The following F8 variants were observed in gnomAD, a reference collection of about 807,000 sequenced individuals.
F8 encodes antihemophilic factor.
A neutral mutation model predicts 140.6 loss-of-function variants in F8; 12 were observed. The ratio of observed to expected loss-of-function variants is 0.09; its 90% CI spans 0.05 to 0.14. The LOEUF is 0.14. F8 is among the 10% of genes least tolerant of loss of function. F8 has a pLI of 1.00. For synonymous variants in F8, 585 were observed against 614.6 expected, an observed-to-expected ratio of 0.95 and a Z score of 0.71; for missense variants, 1,354 against 1,720.7, an observed-to-expected ratio of 0.79 and a Z score of 3.77.
chrX:154,865,590 GAGTAA>G (rs201511765), intron 22 of F8, among the ~76,000 whole-genome samples: 1,294 of 110,003 alleles, frequency 0.012, 22 homozygotes, highest in African/African-American at 0.04. Flanking sequence ...CGGGGGGAAT[GAGTAA>G]AGTATAGAGT....
intron 1 of F8, among the ~76,000 whole-genome samples, chrX:155,019,653 G>C (rs1242312845): frequency 9.1e-6 from 1 of 110,376 alleles, no homozygotes; most frequent in Non-Finnish European, 1.9e-5. Context: ...AATTTTCCGG[G>C]CATGGTGGCC....
Position 154,904,104 on chromosome X carries a change from G to A in F8, c.5816-16C>T, listed in dbSNP as rs782389530. The stretch of plus-strand genomic sequence containing the variant: ...CCATTGATTGCTGGAGAAGGACACA[G>A]AGAAGCCTGTTAAAATCTATTATAT... On this transcript the variant is annotated splice_polypyrimidine_tract_variant and intron_variant, in intron 17 of 25. Transcript: ENST00000360256. 1.7e-6 allele frequency: 2 copies of A among 1,208,581 alleles called. No homozygotes were observed. The highest frequency in any genetic ancestry group is 2.2e-6 in the Non-Finnish European group (2 of 892,949).
At chrX:155,019,669 C>T (rs1486802516) in intron 1 of F8, among the ~76,000 whole-genome samples, 2 of 110,550 alleles carry the variant, frequency 1.8e-5, no homozygotes, top group African/African-American at 6.6e-5. Flanking sequence ...TGGCCTGCTC[C>T]TGTAGTCCCA....
chrX:154,936,021 CACAA>C (rs1293815876), intron 13 of F8, among the ~76,000 whole-genome samples: 2 of 106,649 alleles, frequency 1.9e-5, no homozygotes, highest in African/African-American at 3.4e-5. Context: ...CACACACACA[CACAA>C]AAATCAAAGT....
chrX:154,961,025 T>C (rs1557281549), intron 10 of F8, 50 bp downstream of exon 10: 1 of 821,470 alleles, frequency 1.2e-6, no homozygotes, highest in South Asian at 2.1e-5. Context: ...GATATTTATC[T>C]CATCTGTATC....
chrX:154,982,377 G>T (rs1424786562), intron 6 of F8, among the ~76,000 whole-genome samples: 2 of 101,925 alleles, frequency 2.0e-5, no homozygotes, highest in Non-Finnish European at 4.0e-5. Context: ...AACCCCGGGG[G>T]GCAGAGCCTG....
At chrX:154,900,590 A>C (rs1170644340) in intron 20 of F8, among the ~76,000 whole-genome samples, 1 of 112,348 alleles carries the variant, frequency 8.9e-6, no homozygotes, top group African/African-American at 3.2e-5. Context: ...AGTAAAAATT[A>C]GTAAAAATAC....
chrX:155,022,382 G>A (rs782739933), intron 1 of F8, 28 bp downstream of exon 1: 6 of 1,200,312 alleles, frequency 5.0e-6, no homozygotes, highest in Admixed American at 2.2e-5. Context: ...TCCTGGCCCC[G>A]ATCAGACCCT....
intron 1 of F8, among the ~76,000 whole-genome samples, chrX:155,014,694 T>G (rs2073725905): frequency 1.8e-5 from 2 of 112,207 alleles, no homozygotes; most frequent in Admixed American, 1.9e-4. Context: ...ATCGAATCCC[T>G]CAAAATACTT....
In F8 at chrX:155,022,709, T is replaced by C. The variant is rs1057515826; in HGVS notation, c.-157A>G. The C allele has an allele frequency of 1.3e-5, 15 of 1,115,888 alleles. No individual in the cohort carries two copies. The Admixed American group carries it at 3.7e-4, about 28-fold the overall frequency. 92.0% of individuals were successfully genotyped at this position (1,115,888 alleles called of 1,213,427 possible). A position where few individuals can be genotyped will look rare whatever the true frequency, so the allele number is the denominator to read the frequency against. On this transcript the variant is annotated 5_prime_UTR_variant, in exon 1 of 26. Transcript: ENST00000360256. Reference sequence around the variant, plus strand: ...TTTAAGGAACTTTACCCACTGGATGTGCTCAGCACTAAGCAGTAACCGATA... The same window carrying C: ...TTTAAGGAACTTTACCCACTGGATGCGCTCAGCACTAAGCAGTAACCGATA...
chrX:154,971,877 T>C (rs1478032151), intron 6 of F8, among the ~76,000 whole-genome samples: 1 of 112,553 alleles, frequency 8.9e-6, no homozygotes, highest in Non-Finnish European at 1.9e-5. Context: ...AATGGATGAA[T>C]AGTATTCCAT....
At chrX:154,984,934 C>A in intron 5 of F8, 131 bp from the exon 6 acceptor site, 1 of 548,461 alleles carries the variant, frequency 1.8e-6, no homozygotes. Flanking sequence ...AGGCACACAG[C>A]ACTTATCCTC....
Position 155,005,828 on chromosome X carries a change from C to T in F8, c.144-6228G>A, listed in dbSNP as rs1341353075. Among the ~76,000 whole-genome samples the T allele has an allele frequency of 8.1e-5, 9 of 111,800 alleles. No individual in the cohort carries two copies. In the Admixed American group the frequency reaches 8.5e-4, roughly 11 times the overall value. On this transcript the variant is annotated intron_variant, in intron 1 of 25. Coordinates refer to ENST00000360256, the MANE Select transcript of F8 (RefSeq NM_000132.4). The stretch of plus-strand genomic sequence containing the variant: ...TGCCTTATTCCTGGTAAAGGTGGGA[C>T]TATATAGGTCCAGACAACTTGCCTC...
intron 13 of F8, 82 bp downstream of exon 13, chrX:154,947,616 T>C: frequency 1.4e-6 from 1 of 717,952 alleles, no homozygotes; most frequent in South Asian, 2.1e-5. Flanking sequence ...AATGACAGCA[T>C]GTGAGCTAGT....
intron 1 of F8, among the ~76,000 whole-genome samples, chrX:155,017,084 G>C (rs948483547): frequency 8.9e-6 from 1 of 112,326 alleles, no homozygotes; most frequent in Non-Finnish European, 1.9e-5. Flanking sequence ...AAAAGAGAGA[G>C]GCAAAAAAGG....
At chrX:154,985,927 G>T (rs962739052) in intron 5 of F8, among the ~76,000 whole-genome samples, 3 of 112,324 alleles carry the variant, frequency 2.7e-5, no homozygotes, top group Non-Finnish European at 5.6e-5. Flanking sequence ...TGAGATCAAA[G>T]AAGATAAATA....
chrX:154,942,625 C>T (rs1432283629), intron 13 of F8, among the ~76,000 whole-genome samples: 1 of 111,534 alleles, frequency 9.0e-6, no homozygotes, highest in Non-Finnish European at 1.9e-5. Context: ...TGAAACTATT[C>T]CAATCAATAG....
Position 154,992,955 on chromosome X carries a change from G to T in F8, c.582C>A (p.Ala194=). ...VKDLNSGLIG[A]LLVCREGSLA... ...ACTTACCTTCTCTACATACTAGTAG[G>T]GCTCCAATGAGGCCTGAATTCAAGT... Residue 194 remains alanine (A), a synonymous_variant, in exon 4 of 26, where the codon GCC becomes GCA. Transcript: ENST00000360256. The T allele has an allele frequency of 8.3e-7, 1 of 1,210,469 alleles. No individual in the cohort carries two copies. The highest frequency in any genetic ancestry group is 1.1e-6 in the Non-Finnish European group (1 of 894,532).
chrX:154,844,792 C>T (rs879180397), intron 25 of F8, among the ~76,000 whole-genome samples: 1 of 110,356 alleles, frequency 9.1e-6, no homozygotes, highest in Admixed American at 9.6e-5. Context: ...TTTCTTTCTC[C>T]TGCCTGATTG....
Sources: allele counts gnomAD v4.1 joint callset (sites outside exome capture counted in the v4.1 genomes callset), GRCh38; gene constraint gnomAD v4.1.1; transcripts MANE v1.5; gene names NCBI Gene and HGNC (gene_info 2026-07-23, HGNC 2026-07-21).